The following NCKAP5 variants were observed in gnomAD, a reference collection of about 807,000 sequenced individuals.
NCKAP5 encodes NCK associated protein 5, also known as nck-associated protein 5.
A neutral mutation model predicts 167.0 loss-of-function variants in NCKAP5; 92 were observed. The ratio of observed to expected loss-of-function variants is 0.55; its 90% confidence interval spans 0.47 to 0.66. NCKAP5 has a LOEUF of 0.66. Among genes scored for constraint, NCKAP5 ranks in the 30% least tolerant of loss-of-function variants. The probability of loss-of-function intolerance (pLI) is 0.00; values close to 1 mark genes in which losing one functional copy is unlikely to be tolerated. For missense variants in NCKAP5, 2,378 were observed against 2,315.0 expected (o/e 1.03, Z -0.56); for synonymous variants, 891 against 877.4 (o/e 1.02, Z -0.27).
intron 5 of NCKAP5, among the ~76,000 whole-genome samples, chr2:133,167,449 A>G (rs1459389246): frequency 6.6e-6 from 1 of 152,220 alleles, no homozygotes; most frequent in Non-Finnish European, 1.5e-5. Flanking sequence ...TCTTTAGTTC[A>G]CAAATCATAT....
intron 3 of NCKAP5, among the ~76,000 whole-genome samples, chr2:133,416,365 A>G (rs1689107766): frequency 6.6e-6 from 1 of 152,224 alleles, no homozygotes; most frequent in Non-Finnish European, 1.5e-5. Flanking sequence ...TTTGTTTTTT[A>G]GAAATCATTT....
At chr2:132,779,672 T>C (rs1180599111) in intron 15 of NCKAP5, among the ~76,000 whole-genome samples, 7 of 148,162 alleles carry the variant, frequency 4.7e-5, no homozygotes, top group Non-Finnish European at 1.0e-4. Context: ...AAAAAGACCT[T>C]ATGGCTCTGT....
At position 133,468,935 on chromosome 2, in the gene NCKAP5, G is replaced by T. The variant is rs4619661; in HGVS notation, c.69+48523C>A. On this transcript the variant is annotated intron_variant, in intron 3 of 19. Transcript: ENST00000409261. The stretch of plus-strand genomic sequence containing the variant: ...ACGTAAGATGGGTTTCCTGAATACA[G>T]CACACTGATGGGTCTTGACTCTTGA... 8.5e-5 allele frequency among the ~76,000 whole-genome samples: 13 copies of T among 152,116 alleles called. No individual in the cohort carries two copies. The South Asian group carries it at 2.7e-3, about 32-fold the overall frequency.
At chr2:133,546,780 C>T (rs1289276982) in intron 2 of NCKAP5, among the ~76,000 whole-genome samples, 4 of 152,192 alleles carry the variant, frequency 2.6e-5, no homozygotes, top group African/African-American at 9.7e-5. Flanking sequence ...AATTCTACAA[C>T]CCTATCTAGG....
rs974571982 is a variant in NCKAP5, at chr2:133,245,000, A to T, written c.144-31221T>A. On this transcript the variant is annotated intron_variant, in intron 4 of 19. Coordinates refer to ENST00000409261, the MANE Select transcript of NCKAP5 (RefSeq NM_207363.3). The stretch of plus-strand genomic sequence containing the variant: ...AAGGGAAAATGTATTTGCAATATCT[A>T]CACCCAGTTAAAGACTTGAAAATAC... 7.2e-5 allele frequency among the ~76,000 whole-genome samples: 11 copies of T among 152,218 alleles called. No individual in the cohort carries two copies. In the East Asian group the frequency reaches 9.6e-4, roughly 13 times the overall value.
At chr2:132,818,083 G>A (rs1415630961) in intron 11 of NCKAP5, among the ~76,000 whole-genome samples, 1 of 152,132 alleles carries the variant, frequency 6.6e-6, no homozygotes, top group Non-Finnish European at 1.5e-5. Context: ...GAGTAGTTGG[G>A]ACTACAGGCA....
the NCKAP5 span, among the ~76,000 whole-genome samples, chr2:133,615,369 G>A: frequency 1.3e-5 from 2 of 151,884 alleles, no homozygotes; most frequent in African/African-American, 4.8e-5. Flanking sequence ...TGGATAAAGA[G>A]TCAAGACCCA....
chr2:133,021,157 A>G (rs1442817107), intron 6 of NCKAP5, among the ~76,000 whole-genome samples: 1 of 152,166 alleles, frequency 6.6e-6, no homozygotes, highest in African/African-American at 2.4e-5. Context: ...TCCATGCACT[A>G]TGCATTTTAA....
intron 6 of NCKAP5, among the ~76,000 whole-genome samples, chr2:133,046,221 T>A (rs538553755): frequency 6.6e-6 from 1 of 152,334 alleles, no homozygotes; most frequent in Admixed American, 6.5e-5. Context: ...TTAGTCTTCA[T>A]ACAACATGCA....
chr2:132,894,247 G>A (rs1169748409), intron 8 of NCKAP5, among the ~76,000 whole-genome samples: 2 of 152,184 alleles, frequency 1.3e-5, no homozygotes, highest in Non-Finnish European at 2.9e-5. Flanking sequence ...ACCTACATTT[G>A]AGAAAGAATT....
At chr2:133,395,857 G>A (rs1044985131) in intron 3 of NCKAP5, among the ~76,000 whole-genome samples, 1 of 151,934 alleles carries the variant, frequency 6.6e-6, no homozygotes, top group Non-Finnish European at 1.5e-5. Context: ...TGTTGCCCAG[G>A]CTTGTCTTGA....
intron 3 of NCKAP5, among the ~76,000 whole-genome samples, chr2:133,336,948 T>C (rs573149694): frequency 1.3e-5 from 2 of 152,192 alleles, no homozygotes; most frequent in Admixed American, 6.5e-5. Context: ...TTTGCCCTCA[T>C]GATCCTAGGT....
intron 8 of NCKAP5, among the ~76,000 whole-genome samples, chr2:132,938,922 C>T (rs554266384): frequency 8.5e-5 from 13 of 152,204 alleles, no homozygotes; most frequent in African/African-American, 3.1e-4. Context: ...CTTCCAAGTA[C>T]AGCTGCAACA....
chr2:133,224,174 G>A (rs538396873), intron 4 of NCKAP5, among the ~76,000 whole-genome samples: 81 of 152,140 alleles, frequency 5.3e-4, no homozygotes, highest in African/African-American at 1.8e-3. Flanking sequence ...TCATTCATTC[G>A]TTCATTTATC....
chr2:133,469,587 A>G (rs1322899940), intron 3 of NCKAP5, among the ~76,000 whole-genome samples: 4 of 152,006 alleles, frequency 2.6e-5, no homozygotes, highest in Non-Finnish European at 5.9e-5. Context: ...GTTCTCCTGG[A>G]TAATATCCTG....
chr2:133,177,164 C>A (rs939730950), intron 5 of NCKAP5, among the ~76,000 whole-genome samples: 16 of 138,638 alleles, frequency 1.2e-4, no homozygotes, highest in African/African-American at 2.9e-4. Context: ...GTTTTGTTTT[C>A]TATATATATA....
At chr2:133,591,925 C>T in the NCKAP5 span, among the ~76,000 whole-genome samples, 11,627 of 152,156 alleles carry the variant, frequency 0.076, 480 homozygotes, top group Non-Finnish European at 0.1. Flanking sequence ...TCTGTTCATT[C>T]TTAGGACCTC....
chr2:133,172,734 G>A (rs1025074680), intron 5 of NCKAP5, among the ~76,000 whole-genome samples: 2 of 152,032 alleles, frequency 1.3e-5, no homozygotes, highest in East Asian at 1.9e-4. Flanking sequence ...TGCAAGCTCC[G>A]CCTCCCGGGT....
chr2:133,590,422 G>A, the NCKAP5 span, among the ~76,000 whole-genome samples: 3 of 151,940 alleles, frequency 2.0e-5, no homozygotes, highest in Non-Finnish European at 4.4e-5. Context: ...TACCTGGGAG[G>A]CTGAGGCAGG....
Sources: gnomAD v4.1 joint callset for allele counts (sites outside exome capture counted in the v4.1 genomes callset) on GRCh38, gnomAD v4.1.1 for gene constraint, MANE v1.5 for transcripts, NCBI Gene and HGNC (gene_info 2026-07-23, HGNC 2026-07-21) for gene names.